TMCC1: variants seen among roughly 807,000 people sequenced by gnomAD.
The protein encoded by TMCC1 is transmembrane and coiled-coil domain family 1, also known as transmembrane and coiled-coil domains protein 1.
A neutral mutation model predicts 52.4 loss-of-function variants in TMCC1; 15 were observed. That is an observed-to-expected ratio of 0.29 (90% confidence interval 0.19 to 0.44). The LOEUF is 0.44. Among genes scored for constraint, TMCC1 ranks in the 20% least tolerant of loss-of-function variants. The pLI, the probability that TMCC1 is intolerant of heterozygous loss-of-function variation, is 1.00. For missense variants in TMCC1, 503 were observed against 806.0 expected, an observed-to-expected ratio of 0.62 and a Z score of 4.55; for synonymous variants, 279 against 301.9, an observed-to-expected ratio of 0.92 and a Z score of 0.79.
intron 4 of TMCC1, among the ~76,000 whole-genome samples, chr3:129,735,403 G>C (rs1473911978): frequency 6.6e-6 from 1 of 152,226 alleles, no homozygotes; most frequent in Non-Finnish European, 1.5e-5. Flanking sequence ...CCAGCACTTT[G>C]GGAGCTGAGG....
intron 4 of TMCC1, among the ~76,000 whole-genome samples, chr3:129,785,560 T>TAC (rs10656814): frequency 0.15 from 22,347 of 146,038 alleles, 2,288 homozygotes; most frequent in East Asian, 0.58. Flanking sequence ...TCAATATACA[T>TAC]ACACACACAC....
chr3:129,816,034 T>C (rs1410563889), intron 4 of TMCC1, among the ~76,000 whole-genome samples: 1 of 151,928 alleles, frequency 6.6e-6, no homozygotes, highest in Non-Finnish European at 1.5e-5. Flanking sequence ...AAAACCACAA[T>C]GAGACATCAC....
chr3:129,877,092 T>A (rs148685125), intron 2 of TMCC1, among the ~76,000 whole-genome samples: 1 of 152,230 alleles, frequency 6.6e-6, no homozygotes, highest in East Asian at 1.9e-4. Flanking sequence ...CAAGAACATC[T>A]ACCCAGAGTT....
chr3:129,683,263 ACCTT>A (rs1284212971), intron 4 of TMCC1, among the ~76,000 whole-genome samples: 1 of 152,000 alleles, frequency 6.6e-6, no homozygotes, highest in African/African-American at 2.4e-5. Context: ...TTTCCATTCT[ACCTT>A]GTACACCACT....
Position 129,674,569 on chromosome 3 carries a change from GGAA to G in TMCC1, c.577-3308_577-3306del, listed in dbSNP as rs774767383. On this transcript the variant is annotated intron_variant, in intron 4 of 6. Coordinates refer to ENST00000393238, the MANE Select transcript of TMCC1 (RefSeq NM_001017395.5). ...GGAGAGAGGAAAAAACCAGAGGAGA[GGAA>G]GAAGAAGAGTGGGGTGCAGAGGGAG... 3.6e-4 allele frequency among the ~76,000 whole-genome samples: 54 copies of G among 152,082 alleles called. 1 individual carries two copies. Among genetic ancestry groups the G allele is most frequent in the South Asian group, 4.1e-4 (2 of 4,824 alleles).
At chr3:129,676,149 AG>A (rs1430995505) in intron 4 of TMCC1, among the ~76,000 whole-genome samples, 1 of 152,012 alleles carries the variant, frequency 6.6e-6, no homozygotes, top group African/African-American at 2.4e-5. Context: ...AAGCAGCAGC[AG>A]TCCCAGCTAC....
At chr3:129,782,352 A>G (rs578118941) in intron 4 of TMCC1, among the ~76,000 whole-genome samples, 1 of 152,298 alleles carries the variant, frequency 6.6e-6, no homozygotes, top group East Asian at 1.9e-4. Flanking sequence ...GACTAGTGAT[A>G]GTGAGGTGTA....
At chr3:129,697,739 A>G (rs2047515845) in intron 4 of TMCC1, among the ~76,000 whole-genome samples, 7 of 152,140 alleles carry the variant, frequency 4.6e-5, no homozygotes, top group Admixed American at 4.6e-4. Flanking sequence ...AGTTCCACAG[A>G]TCCTTAGGGC....
At chr3:129,671,732 C>T (rs1362528733) in intron 4 of TMCC1, among the ~76,000 whole-genome samples, 5 of 152,070 alleles carry the variant, frequency 3.3e-5, no homozygotes, top group South Asian at 2.1e-4. Flanking sequence ...CTAAATGTGT[C>T]GGCAAGAATA....
At chr3:129,750,985 A>G (rs1490767422) in intron 4 of TMCC1, among the ~76,000 whole-genome samples, 1 of 152,098 alleles carries the variant, frequency 6.6e-6, no homozygotes, top group Non-Finnish European at 1.5e-5. Flanking sequence ...AGATCGCTTG[A>G]GCCCAAGAGT....
intron 4 of TMCC1, among the ~76,000 whole-genome samples, chr3:129,718,799 G>T (rs916032128): frequency 2.0e-5 from 3 of 151,930 alleles, no homozygotes; most frequent in African/African-American, 7.3e-5. Flanking sequence ...TTACTGTATT[G>T]TAAGAATAGA....
At chr3:129,694,141 G>C (rs2047222170) in intron 4 of TMCC1, among the ~76,000 whole-genome samples, 1 of 152,158 alleles carries the variant, frequency 6.6e-6, no homozygotes, top group African/African-American at 2.4e-5. Context: ...AAATTTATAG[G>C]TACCACAGGT....
At chr3:129,745,542 C>A (rs1447277426) in intron 4 of TMCC1, among the ~76,000 whole-genome samples, 2 of 152,220 alleles carry the variant, frequency 1.3e-5, no homozygotes, top group Non-Finnish European at 2.9e-5. Context: ...TGTTGCCAGA[C>A]ATTCTGGATC....
chr3:129,795,051 T>A (rs762352978), intron 4 of TMCC1, among the ~76,000 whole-genome samples: 3 of 152,168 alleles, frequency 2.0e-5, no homozygotes, highest in Non-Finnish European at 4.4e-5. Context: ...TTTCCTCTTA[T>A]TCACAGGGAG....
rs527729016 is a variant in TMCC1 at position 129,703,811 on chromosome 3, A to G, written c.577-32547T>C. On this transcript the variant is annotated intron_variant, in intron 4 of 6. Transcript: ENST00000393238. ...TGAAGTTTAGGGTAAAGAAAATGATAAAGACATTTTACTCTGCTGTAGATT... is the reference window on the plus strand; with the variant it reads ...TGAAGTTTAGGGTAAAGAAAATGATGAAGACATTTTACTCTGCTGTAGATT... Among the ~76,000 whole-genome samples, 4 of 152,332 alleles carry G rather than the reference A, an allele frequency of 2.6e-5. No homozygotes were observed. In the South Asian group the frequency reaches 8.3e-4, roughly 32 times the overall value.
chr3:129,662,593 G>A (rs2087124635), intron 5 of TMCC1, among the ~76,000 whole-genome samples: 1 of 152,066 alleles, frequency 6.6e-6, no homozygotes, highest in South Asian at 2.1e-4. Context: ...AGCCGAGACT[G>A]TACCACTGCA....
At chr3:129,726,850 C>A (rs374490378) in intron 4 of TMCC1, among the ~76,000 whole-genome samples, 1 of 54,274 alleles carries the variant, frequency 1.8e-5, no homozygotes, top group Non-Finnish European at 3.9e-5. Flanking sequence ...GCCTGGGTAA[C>A]AGAGCAAGAC....
intron 4 of TMCC1, among the ~76,000 whole-genome samples, chr3:129,710,338 G>A (rs2048579147): frequency 6.6e-6 from 1 of 152,130 alleles, no homozygotes; most frequent in South Asian, 2.1e-4. Flanking sequence ...TAAGTTTTTT[G>A]AGATGGGGGA....
At chr3:129,723,546 CT>C (rs751150180) in intron 4 of TMCC1, among the ~76,000 whole-genome samples, 13,445 of 152,068 alleles carry the variant, frequency 0.088, 658 homozygotes, top group Middle Eastern at 0.15. Flanking sequence ...GAAAGAAACA[CT>C]GATTTTCCAG....
Sources: gnomAD v4.1 joint callset for allele counts (sites outside exome capture counted in the v4.1 genomes callset) on GRCh38, gnomAD v4.1.1 for gene constraint, MANE v1.5 for transcripts, NCBI Gene and HGNC (gene_info 2026-07-23, HGNC 2026-07-21) for gene names.